Variants in CAMTA1 observed in about 807,000 individuals in gnomAD.
CAMTA1 encodes the protein calmodulin binding transcription activator 1.
CAMTA1 carries 27 observed loss-of-function variants against 170.9 expected under a neutral mutation model. That is an observed-to-expected ratio of 0.16 (90% CI 0.12 to 0.22). The LOEUF is 0.22. Among genes scored for constraint, CAMTA1 ranks in the 10% least tolerant of loss-of-function variants. The probability of loss-of-function intolerance (pLI) is 1.00; values close to 1 mark genes in which losing one functional copy is unlikely to be tolerated. For missense variants in CAMTA1, 1,619 were observed against 2,217.2 expected, an observed-to-expected ratio of 0.73 and a Z score of 5.42; for synonymous variants, 833 against 891.5, an observed-to-expected ratio of 0.93 and a Z score of 1.17.
chr1:6,833,796 C>T (rs1388712789), intron 3 of CAMTA1, among the ~76,000 whole-genome samples: 4 of 152,162 alleles, frequency 2.6e-5, no homozygotes, highest in South Asian at 4.1e-4. Context: ...AGAACATACT[C>T]GGTTCAGGTG....
At chr1:7,263,988 G>A (rs1668537432) in intron 5 of CAMTA1, among the ~76,000 whole-genome samples, 1 of 152,154 alleles carries the variant, frequency 6.6e-6, no homozygotes, top group South Asian at 2.1e-4. Context: ...ATATATGTTA[G>A]ATATGAGGGG....
chr1:7,521,733 G>C (rs756284856), intron 6 of CAMTA1, among the ~76,000 whole-genome samples: 1 of 152,270 alleles, frequency 6.6e-6, no homozygotes, highest in Non-Finnish European at 1.5e-5. Context: ...ATTTTTAGTA[G>C]AGACGGAGTT....
chr1:6,976,972 A>G (rs962573968), intron 3 of CAMTA1, among the ~76,000 whole-genome samples: 1 of 152,188 alleles, frequency 6.6e-6, no homozygotes, highest in African/African-American at 2.4e-5. Context: ...GCTGCCATGT[A>G]AGACATGCCT....
intron 3 of CAMTA1, among the ~76,000 whole-genome samples, chr1:6,935,824 G>T (rs1314062725): frequency 6.6e-6 from 1 of 152,176 alleles, no homozygotes; most frequent in Non-Finnish European, 1.5e-5. Flanking sequence ...TCTCAGAATG[G>T]AAGGAGCCCT....
chr1:7,148,639 C>T (rs914154004), intron 4 of CAMTA1, among the ~76,000 whole-genome samples: 28 of 152,202 alleles, frequency 1.8e-4, no homozygotes, highest in African/African-American at 6.8e-4. Context: ...CCAGCCGGCC[C>T]ATTCAGTCCA....
chr1:6,793,286 C>T (rs1641654231), intron 1 of CAMTA1, among the ~76,000 whole-genome samples: 1 of 152,164 alleles, frequency 6.6e-6, no homozygotes, highest in Admixed American at 6.5e-5. Flanking sequence ...TTCATTCGTT[C>T]AGCAGACCAT....
intron 6 of CAMTA1, among the ~76,000 whole-genome samples, chr1:7,632,019 T>C (rs919191168): frequency 6.9e-6 from 1 of 144,658 alleles, no homozygotes; most frequent in Non-Finnish European, 1.5e-5. Context: ...TCGCCCAGTG[T>C]CGCCCAGTGC....
At chr1:6,806,330 T>A (rs1319929679) in intron 1 of CAMTA1, among the ~76,000 whole-genome samples, 2 of 152,206 alleles carry the variant, frequency 1.3e-5, no homozygotes, top group African/African-American at 4.8e-5. Context: ...TCAAGATTGT[T>A]TTGGCTGTGC....
At chr1:6,952,363 G>A (rs999201613) in intron 3 of CAMTA1, among the ~76,000 whole-genome samples, 8 of 147,092 alleles carry the variant, frequency 5.4e-5, no homozygotes, top group Non-Finnish European at 1.0e-4. Context: ...CCTGGGAGGT[G>A]GAGCTTGCAG....
intron 5 of CAMTA1, among the ~76,000 whole-genome samples, chr1:7,318,360 G>A (rs1677855367): frequency 6.6e-6 from 1 of 152,198 alleles, no homozygotes; most frequent in East Asian, 1.9e-4. Context: ...TCTCCTGGGT[G>A]GTTACCTGGT....
At chr1:6,916,825 G>A (rs758804910) in intron 3 of CAMTA1, among the ~76,000 whole-genome samples, 1 of 152,260 alleles carries the variant, frequency 6.6e-6, no homozygotes, top group Non-Finnish European at 1.5e-5. Context: ...ATTCCGTGCA[G>A]ATGTCATAGC....
intron 3 of CAMTA1, among the ~76,000 whole-genome samples, chr1:7,079,318 G>A (rs1180435822): frequency 2.0e-5 from 3 of 152,154 alleles, no homozygotes; most frequent in Non-Finnish European, 4.4e-5. Flanking sequence ...ATGCTCTTTA[G>A]TTAAAGATAT....
chr1:7,216,132 C>T lies in CAMTA1; in HGVS notation c.303-33359C>T, dbSNP rs150084707. The stretch of plus-strand genomic sequence containing the variant: ...GCGAAGGGGAAGCCCGCGTGTCCTG[C>T]GTGGCTGGAGCAGGAGGAAGAGGGT... On this transcript the variant is annotated intron_variant, in intron 4 of 22. Coordinates refer to ENST00000303635, the MANE Select transcript of CAMTA1 (RefSeq NM_015215.4). This position sits in a 1 kb window ranked among gnomAD's most constrained non-coding sequence, Gnocchi z 4.0. 4.1e-3 allele frequency among the ~76,000 whole-genome samples: 621 copies of T among 152,258 alleles called. 4 individuals are homozygous for T. Among genetic ancestry groups the T allele is most frequent in the African/African-American group, 0.014 (574 of 41,554 alleles).
At chr1:6,954,822 C>G (rs1245113585) in intron 3 of CAMTA1, among the ~76,000 whole-genome samples, 1 of 152,102 alleles carries the variant, frequency 6.6e-6, no homozygotes, top group Admixed American at 6.5e-5. Context: ...GGCCCTGCCA[C>G]CTCCTTGGAC....
At chr1:6,830,040 T>A (rs541161098) in intron 3 of CAMTA1, among the ~76,000 whole-genome samples, 20 of 146,970 alleles carry the variant, frequency 1.4e-4, no homozygotes, top group African/African-American at 3.0e-4. Flanking sequence ...TTATTTATTT[T>A]TTATTTTTTT....
In CAMTA1 at chr1:7,168,656, G is replaced by A. The variant is rs541372063; in HGVS notation, c.302+77285G>A. 2.6e-4 allele frequency among the ~76,000 whole-genome samples: 40 copies of A among 152,184 alleles called. 3 individuals carry two copies. In the South Asian group the frequency reaches 7.5e-3, roughly 28 times the overall value. ...TGACCTCAGGTGATCCACCCACCTC[G>A]GCCTCCTAAAGTGCTGGGATTACAG... On this transcript the variant is annotated intron_variant, in intron 4 of 22. Coordinates refer to ENST00000303635, the MANE Select transcript of CAMTA1 (RefSeq NM_015215.4).
intron 17 of CAMTA1, 111 bp downstream of exon 17, chr1:7,745,133 G>A: frequency 2.0e-6 from 2 of 1,020,394 alleles, no homozygotes; most frequent in South Asian, 3.3e-5. Context: ...CCATACCAAG[G>A]AAGGAAGGAA....
intron 3 of CAMTA1, among the ~76,000 whole-genome samples, chr1:7,026,133 A>AAT (rs199745349): frequency 6.6e-6 from 1 of 151,800 alleles, no homozygotes; most frequent in East Asian, 1.9e-4. Context: ...AAAAAAAAAA[A>AAT]GAAACAAAAA....
chr1:7,019,141 G>A (rs763866152), intron 3 of CAMTA1, among the ~76,000 whole-genome samples: 51 of 152,196 alleles, frequency 3.4e-4, no homozygotes, highest in Admixed American at 6.5e-4. Context: ...TCAGAGCCAT[G>A]ACTTTCTGCT....
Sources: gnomAD v4.1 joint callset for allele counts (sites outside exome capture counted in the v4.1 genomes callset) on GRCh38, gnomAD v4.1.1 for gene constraint, Gnocchi (gnomAD v3.1) non-coding constraint, MANE v1.5 for transcripts, NCBI Gene and HGNC (gene_info 2026-07-23, HGNC 2026-07-21) for gene names.